SYBU: variants seen among roughly 807,000 people sequenced by gnomAD.
The protein encoded by SYBU is GOLSYN A protein.
SYBU carries 21 observed loss-of-function variants against 35.9 expected under a neutral mutation model. The observed-to-expected ratio is 0.58, with a 90% CI of 0.41 to 0.84. The LOEUF (loss-of-function observed/expected upper bound fraction) is 0.84. Among genes scored for constraint, SYBU ranks in the 40% least tolerant of loss-of-function variants. SYBU has a pLI of 0.00. For synonymous variants in SYBU, 319 were observed against 324.3 expected, an observed-to-expected ratio of 0.98 and a Z score of 0.18; for missense variants, 768 against 848.2, an observed-to-expected ratio of 0.91 and a Z score of 1.17.
chr8:109,667,629 G>T (rs1816805607), intron 1 of SYBU, among the ~76,000 whole-genome samples: 1 of 151,702 alleles, frequency 6.6e-6, no homozygotes, highest in Non-Finnish European at 1.5e-5. Flanking sequence ...GTTTTTTATT[G>T]TTCTGTTGTT....
rs1821965745 is a variant in SYBU at position 109,574,302 on chromosome 8, A to G, written c.*604T>C. Reference sequence around the variant, plus strand: ...TATATAATAAGCAAAATAAGTTAGTACATTGTAAACTTATGCACAGTTTCA... The same window carrying G: ...TATATAATAAGCAAAATAAGTTAGTGCATTGTAAACTTATGCACAGTTTCA... On this transcript the variant is annotated 3_prime_UTR_variant, in exon 7 of 7. Transcript: ENST00000276646. 6.5e-6 allele frequency: 1 copy of G among 152,672 alleles called. No individual in the cohort carries two copies. The highest frequency in any genetic ancestry group is 1.5e-5 in the Non-Finnish European group (1 of 68,036). The allele number at this position is 152,672 out of a possible 1,614,324, so 9.5% of individuals were successfully genotyped here.
intron 5 of SYBU, 105 bp downstream of exon 5, chr8:109,579,694 T>C (rs1424636718): frequency 9.5e-7 from 1 of 1,054,882 alleles, no homozygotes; most frequent in Non-Finnish European, 1.4e-6. Flanking sequence ...TCTTGTAGAA[T>C]CAGGCAAGGG....
At chr8:109,607,808 TCACACACACACACACACA>T (rs71305960) in intron 3 of SYBU, 34 of 377,202 alleles carry the variant, frequency 9.0e-5, no homozygotes, top group African/African-American at 5.8e-4. Context: ...CACAACTAAC[TCACACACACACACACACA>T]CACACACACA....
chr8:109,622,225 C>CTATCATCT (rs745990131), intron 2 of SYBU, among the ~76,000 whole-genome samples: 29 of 133,050 alleles, frequency 2.2e-4, no homozygotes, highest in South Asian at 1.2e-3. Context: ...ATCTATCTAT[C>CTATCATCT]ATCTATCTAT....
chr8:109,597,645 TTGAGGCTGCAG>T (rs1233806005), intron 3 of SYBU, among the ~76,000 whole-genome samples: 1 of 151,822 alleles, frequency 6.6e-6, no homozygotes, highest in East Asian at 1.9e-4. Context: ...GCCCCGGAGG[TTGAGGCTGCAG>T]TGAGCCATGA....
chr8:109,591,942 C>A (rs142804732), intron 3 of SYBU, among the ~76,000 whole-genome samples: 7 of 151,660 alleles, frequency 4.6e-5, no homozygotes, highest in Non-Finnish European at 1.0e-4. Flanking sequence ...CTCTGTGGTG[C>A]CTTGAGGAAT....
chr8:109,578,791 A>AGT (rs2131203990), intron 5 of SYBU, among the ~76,000 whole-genome samples: 1 of 152,344 alleles, frequency 6.6e-6, no homozygotes, highest in South Asian at 2.1e-4. Flanking sequence ...CTTTCTGCAC[A>AGT]GTGTGCCACT....
chr8:109,629,012 G>T (rs930026451), intron 2 of SYBU, among the ~76,000 whole-genome samples: 5 of 152,036 alleles, frequency 3.3e-5, no homozygotes, highest in African/African-American at 4.8e-5. Context: ...ACAAGGAAAA[G>T]AATTCCAGAT....
Position 109,642,860 on chromosome 8 carries a change from G to A in SYBU, c.97C>T (p.His33Tyr), listed in dbSNP as rs199661206. 7 of 1,607,716 alleles carry A rather than the reference G, an allele frequency of 4.4e-6. No individual in the cohort carries two copies. Among genetic ancestry groups the A allele is most frequent in the Admixed American group, 1.7e-5 (1 of 59,014 alleles). Residue 33 changes from histidine (H) to tyrosine (Y), a missense_variant, in exon 2 of 7, where the codon CAT becomes TAT. His to Tyr is a moderately conservative substitution (Grantham distance 83, BLOSUM62 2). Coordinates refer to ENST00000276646, the MANE Select transcript of SYBU (RefSeq NM_001099754.2). The part of the protein sequence containing the change: ...SRIPRLILRP[H>Y]MPQQQHKVSP... ...ACTTTGTGCTGTTGTTGGGGCATAT[G>A]GGGCCGAAGAATCAACCGGGGAATT... is the stretch of plus-strand genomic sequence containing the variant.
intron 1 of SYBU, among the ~76,000 whole-genome samples, chr8:109,688,755 A>G (rs1339403175): frequency 6.6e-6 from 1 of 150,710 alleles, no homozygotes; most frequent in Non-Finnish European, 1.5e-5. Flanking sequence ...TCAAAACCTC[A>G]GTATTTTTAC....
chr8:109,635,410 T>C (rs1008183965), intron 2 of SYBU, among the ~76,000 whole-genome samples: 3 of 152,166 alleles, frequency 2.0e-5, no homozygotes, highest in Non-Finnish European at 4.4e-5. Context: ...CCTCTTGCTA[T>C]ACCTCAGAGT....
At chr8:109,630,706 G>A (rs186367960) in intron 2 of SYBU, among the ~76,000 whole-genome samples, 7 of 152,320 alleles carry the variant, frequency 4.6e-5, no homozygotes, top group African/African-American at 1.4e-4. Context: ...TGATTGTGTA[G>A]GGGGTGAAAT....
At chr8:109,597,639 C>T (rs2703374) in intron 3 of SYBU, among the ~76,000 whole-genome samples, 57,982 of 151,774 alleles carry the variant, frequency 0.38, 13,106 homozygotes, top group African/African-American at 0.62. Context: ...AATTGAGCCC[C>T]GGAGGTTGAG....
intron 3 of SYBU, among the ~76,000 whole-genome samples, chr8:109,588,673 T>C (rs1823890753): frequency 6.6e-6 from 1 of 151,954 alleles, no homozygotes; most frequent in East Asian, 1.9e-4. Context: ...CTAAGCAAAA[T>C]AACTAAGAGA....
Position 109,574,320 on chromosome 8 carries a change from C to A in SYBU, c.*586G>T, listed in dbSNP as rs1195747015. ...AGTTAGTACATTGTAAACTTATGCA[C>A]AGTTTCATCAATTAACAGTTTAAGA... is the stretch of plus-strand genomic sequence containing the variant. On this transcript the variant is annotated 3_prime_UTR_variant, in exon 7 of 7. Coordinates refer to ENST00000276646, the MANE Select transcript of SYBU (RefSeq NM_001099754.2). 3 of 152,600 alleles carry A rather than the reference C, an allele frequency of 2.0e-5. No homozygotes were observed. Among genetic ancestry groups the A allele is most frequent in the Non-Finnish European group, 4.4e-5 (3 of 68,036 alleles). 9.5% of individuals were successfully genotyped at this position (152,600 alleles called of 1,614,324 possible). A position where few individuals can be genotyped will look rare whatever the true frequency, so the allele number is the denominator to read the frequency against.
chr8:109,643,937 C>G (rs1815242632), intron 1 of SYBU, among the ~76,000 whole-genome samples: 1 of 152,278 alleles, frequency 6.6e-6, no homozygotes, highest in African/African-American at 2.4e-5. Flanking sequence ...CTAGGAGGAG[C>G]GTTTTGCAAA....
chr8:109,617,947 G>C (rs1467426926), intron 3 of SYBU, among the ~76,000 whole-genome samples: 1 of 152,210 alleles, frequency 6.6e-6, no homozygotes, highest in African/African-American at 2.4e-5. Context: ...AGAGGACACA[G>C]GGCTAGGCCT....
At chr8:109,601,352 TA>T (rs1825493563) in intron 3 of SYBU, among the ~76,000 whole-genome samples, 1 of 152,148 alleles carries the variant, frequency 6.6e-6, no homozygotes, top group Non-Finnish European at 1.5e-5. Flanking sequence ...CACAAAGATC[TA>T]AGATCAGGAA....
upstream of SYBU, chr8:109,648,883 A>T (rs1476015498): frequency 6.8e-6 from 1 of 147,096 alleles, no homozygotes; most frequent in African/African-American, 2.5e-5. Context: ...GGGCATCGTG[A>T]GATTTTTTTG....
Sources: allele counts gnomAD v4.1 joint callset (sites outside exome capture counted in the v4.1 genomes callset), GRCh38; gene constraint gnomAD v4.1.1; transcripts MANE v1.5; gene names NCBI Gene and HGNC (gene_info 2026-07-23, HGNC 2026-07-21).